Variants in NTRK2 observed in about 807,000 individuals in gnomAD.
NTRK2 encodes the protein BDNF/NT-3 growth factors receptor.
A neutral mutation model predicts 94.5 loss-of-function variants in NTRK2; 13 were observed. That is an observed-to-expected ratio of 0.14 (90% CI 0.09 to 0.22). The LOEUF (loss-of-function observed/expected upper bound fraction) is 0.22. Among genes scored for constraint, NTRK2 ranks in the 10% least tolerant of loss-of-function variants. The pLI is 1.00. For missense variants in NTRK2, 639 were observed against 1,071.2 expected, an observed-to-expected ratio of 0.60 and a Z score of 5.63; for synonymous variants, 372 against 407.4, an observed-to-expected ratio of 0.91 and a Z score of 1.05.
chr9:84,950,605 T>A (rs79859434), intron 16 of NTRK2, among the ~76,000 whole-genome samples: 197 of 143,958 alleles, frequency 1.4e-3, no homozygotes, highest in South Asian at 1.8e-3. Flanking sequence ...TTTTTTTTTT[T>A]AATTTAGCTA....
At chr9:84,809,086 C>G (rs953198903) in intron 12 of NTRK2, among the ~76,000 whole-genome samples, 13 of 152,194 alleles carry the variant, frequency 8.5e-5, no homozygotes, top group Non-Finnish European at 1.9e-4. Context: ...CACTGATCCA[C>G]TGGGTTTCCA....
intron 2 of NTRK2, among the ~76,000 whole-genome samples, chr9:84,689,204 T>A (rs528654223): frequency 6.6e-6 from 1 of 152,356 alleles, no homozygotes; most frequent in African/African-American, 2.4e-5. Flanking sequence ...AGACTCTGCC[T>A]TGAGCATGAC....
At chr9:84,926,153 C>CTTT (rs2077777022) in intron 14 of NTRK2, among the ~76,000 whole-genome samples, 1 of 91,270 alleles carries the variant, frequency 1.1e-5, no homozygotes, top group Non-Finnish European at 2.3e-5. Flanking sequence ...TTCCTTCCTT[C>CTTT]CTTCCTTCCT....
intron 14 of NTRK2, among the ~76,000 whole-genome samples, chr9:84,933,177 A>G (rs1210422846): frequency 6.6e-6 from 1 of 152,196 alleles, no homozygotes; most frequent in Non-Finnish European, 1.5e-5. Flanking sequence ...AGCAACAAGG[A>G]GTTCAGAAAA....
chr9:84,704,395 A>ATT (rs545069363), intron 4 of NTRK2, among the ~76,000 whole-genome samples: 1 of 145,460 alleles, frequency 6.9e-6, no homozygotes. Flanking sequence ...CGCCAGGCTA[A>ATT]TTTTTTTTTT....
intron 12 of NTRK2, among the ~76,000 whole-genome samples, chr9:84,755,720 C>G (rs939631189): frequency 1.3e-5 from 2 of 151,958 alleles, no homozygotes; most frequent in Admixed American, 1.3e-4. Flanking sequence ...ATTTCTACCT[C>G]CCTACCTTTG....
chr9:84,842,357 G>A (rs1332721480), intron 12 of NTRK2, among the ~76,000 whole-genome samples: 1 of 152,096 alleles, frequency 6.6e-6, no homozygotes. Context: ...TTTCTTATCT[G>A]AGGGAAAGAA....
At chr9:85,015,154 T>C (rs1261182594) in intron 17 of NTRK2, among the ~76,000 whole-genome samples, 1 of 152,188 alleles carries the variant, frequency 6.6e-6, no homozygotes, top group Non-Finnish European at 1.5e-5. Flanking sequence ...CTAGTAACTA[T>C]CTTTAGAAAA....
intron 17 of NTRK2, among the ~76,000 whole-genome samples, chr9:84,963,097 T>G (rs765558759): frequency 6.6e-6 from 1 of 152,218 alleles, no homozygotes; most frequent in Non-Finnish European, 1.5e-5. Context: ...CTCCAAACAT[T>G]AAAACTGCAA....
intron 12 of NTRK2, chr9:84,815,348 C>T: frequency 3.8e-6 from 4 of 1,046,472 alleles, no homozygotes; most frequent in Non-Finnish European, 4.6e-6. Flanking sequence ...AAGAAAGGAA[C>T]AGAGATTTTT....
chr9:84,809,900 A>AG (rs1236366717), intron 12 of NTRK2, among the ~76,000 whole-genome samples: 32 of 132,654 alleles, frequency 2.4e-4, no homozygotes, highest in Non-Finnish European at 4.8e-4. Context: ...AAAAAAAAAA[A>AG]AAGAAAGAAG....
At chr9:85,006,048 A>G (rs993920065) in intron 17 of NTRK2, among the ~76,000 whole-genome samples, 1 of 152,210 alleles carries the variant, frequency 6.6e-6, no homozygotes, top group African/African-American at 2.4e-5. Context: ...AGGTAGCTCA[A>G]TATATTTTTG....
chr9:84,811,950 C>T (rs1393847804), intron 12 of NTRK2: 12 of 933,324 alleles, frequency 1.3e-5, no homozygotes, highest in African/African-American at 2.1e-5. Context: ...ATCAGGAGGA[C>T]TTCAGAGCCA....
intron 12 of NTRK2, among the ~76,000 whole-genome samples, chr9:84,778,972 G>A (rs1418667509): frequency 6.6e-6 from 1 of 152,144 alleles, no homozygotes; most frequent in Non-Finnish European, 1.5e-5. Flanking sequence ...GCCTTAACAG[G>A]CTGGTCTTTT....
intron 14 of NTRK2, among the ~76,000 whole-genome samples, chr9:84,907,745 T>C (rs1049738852): frequency 6.6e-6 from 1 of 151,792 alleles, no homozygotes; most frequent in Middle Eastern, 3.4e-3. Flanking sequence ...ACAGATCTGA[T>C]ATAAATAAAG....
chr9:84,770,953 G>A (rs763441524), intron 12 of NTRK2, among the ~76,000 whole-genome samples: 1 of 152,160 alleles, frequency 6.6e-6, no homozygotes, highest in Non-Finnish European at 1.5e-5. Flanking sequence ...TATTTCTAGA[G>A]CTATCAAGGA....
intron 14 of NTRK2, among the ~76,000 whole-genome samples, chr9:84,885,069 A>T (rs974676178): frequency 8.5e-5 from 13 of 152,268 alleles, no homozygotes; most frequent in African/African-American, 3.1e-4. Context: ...CTAGGGCTGT[A>T]GAAAGAAGTA....
At chr9:84,746,698 A>G (rs564141248) in intron 11 of NTRK2, among the ~76,000 whole-genome samples, 1 of 151,760 alleles carries the variant, frequency 6.6e-6, no homozygotes, top group East Asian at 1.9e-4. Flanking sequence ...TGCCTTTTTC[A>G]TGCTCTCTCC....
chr9:84,799,570 A>G (rs1487990810), intron 12 of NTRK2, among the ~76,000 whole-genome samples: 1 of 135,138 alleles, frequency 7.4e-6, no homozygotes, highest in Non-Finnish European at 1.6e-5. Context: ...TATTGTAGCT[A>G]TACGGGTTTA....
Sources: gnomAD v4.1 joint callset for allele counts (sites outside exome capture counted in the v4.1 genomes callset) on GRCh38, gnomAD v4.1.1 for gene constraint, MANE v1.5 for transcripts, NCBI Gene and HGNC (gene_info 2026-07-23, HGNC 2026-07-21) for gene names.